SPEN: variants seen among roughly 807,000 people sequenced by gnomAD.
SPEN encodes the protein msx2-interacting protein.
Under a neutral mutation model 269.9 loss-of-function variants are expected in SPEN, and 18 were observed. The observed-to-expected ratio is 0.07, with a 90% CI of 0.05 to 0.10. The LOEUF (loss-of-function observed/expected upper bound fraction) is 0.10, where lower values mean the gene tolerates loss of function less well. Among genes scored for constraint, SPEN ranks in the 10% least tolerant of loss-of-function variants. The probability of loss-of-function intolerance (pLI) is 1.00; values close to 1 mark genes in which losing one functional copy is unlikely to be tolerated. For synonymous variants in SPEN, 1,726 were observed against 1,765.7 expected (o/e 0.98, Z 0.56); for missense variants, 3,822 against 4,631.2 (o/e 0.83, Z 5.07).
chr1:15,938,024 A>G lies in SPEN; in HGVS notation c.10704+18A>G. 1.9e-6 allele frequency: 3 copies of G among 1,581,336 alleles called. No individual in the cohort carries two copies. The highest frequency in any genetic ancestry group is 2.6e-6 in the Non-Finnish European group (3 of 1,164,572). ...GGATGACGGTAAGACTCTCAGGCCC[A>G]GGTGAGCAACTGCCCCACCTACAGG... On this transcript the variant is annotated intron_variant, in intron 13 of 14. Transcript: ENST00000375759.
intron 1 of SPEN, among the ~76,000 whole-genome samples, chr1:15,853,021 T>TA: frequency 6.6e-6 from 1 of 152,060 alleles, no homozygotes; most frequent in African/African-American, 2.4e-5. Context: ...CACACTCGAC[T>TA]AATTTTTTAT....
chr1:15,872,599 C>CAA lies in SPEN; in HGVS notation c.84-202_84-201dup, dbSNP rs78554897. On this transcript the variant is annotated intron_variant, in intron 1 of 14. Transcript: ENST00000375759. ...TGGGCAACAGAGCGAGACTCCATCTCAAAAAAAAAAAAAAAAGAAATGAGA... is the reference window on the plus strand; with the variant it reads ...TGGGCAACAGAGCGAGACTCCATCTCAAAAAAAAAAAAAAAAAAGAAATGAGA... Among the ~76,000 whole-genome samples, 18 of 92,542 alleles carry CAA rather than the reference C, an allele frequency of 1.9e-4. No homozygotes were observed. The East Asian group carries it at 2.1e-3, about 11-fold the overall frequency. The allele number at this position is 92,542 out of a possible 152,430, so 60.7% of individuals were successfully genotyped here. A position where few individuals can be genotyped will look rare whatever the true frequency, so the allele number is the denominator to read the frequency against.
rs1428730712 is a variant in SPEN at position 15,931,756 on chromosome 1, C to T, written c.5516C>T (p.Pro1839Leu). Reference protein sequence around the residue: ...QAAAVSIVEKPVTRKSERIDR... With the variant: ...QAAAVSIVEKLVTRKSERIDR... ...GCTGCAGTGAGTATCGTGGAGAAGC[C>T]CGTCACAAGGAAGAGTGAGAGGATA... is the stretch of plus-strand genomic sequence containing the variant. Residue 1839 changes from proline (P) to leucine (L), a missense_variant, in exon 11 of 15, where the codon CCC becomes CTC. Physicochemically the swap from Pro to Leu is moderately conservative, Grantham distance 98. Transcript: ENST00000375759. This position sits in a 1 kb window ranked among gnomAD's most constrained non-coding sequence, Gnocchi z 4.8. 2 of 1,613,856 alleles carry T rather than the reference C, an allele frequency of 1.2e-6. No individual in the cohort carries two copies. Among genetic ancestry groups the T allele is most frequent in the South Asian group, 1.1e-5 (1 of 91,084 alleles).
intron 1 of SPEN, among the ~76,000 whole-genome samples, chr1:15,860,767 A>G (rs1028508381): frequency 1.3e-5 from 2 of 150,598 alleles, no homozygotes; most frequent in Admixed American, 1.3e-4. Flanking sequence ...ATGCCTGGCT[A>G]ATTTTTTGTA....
chr1:15,918,520 G>GAT (rs2071087550), intron 6 of SPEN, among the ~76,000 whole-genome samples: 1 of 152,224 alleles, frequency 6.6e-6, no homozygotes, highest in Non-Finnish European at 1.5e-5. Flanking sequence ...TGCGCAGCCA[G>GAT]ATATCATATT....
intron 3 of SPEN, among the ~76,000 whole-genome samples, chr1:15,882,646 C>T (rs1448654021): frequency 2.6e-5 from 4 of 152,110 alleles, no homozygotes; most frequent in Non-Finnish European, 5.9e-5. Context: ...GGCAACAGAA[C>T]AAGACTCCAT....
chr1:15,901,868 A>G (rs974181674), intron 3 of SPEN, among the ~76,000 whole-genome samples: 2 of 146,982 alleles, frequency 1.4e-5, no homozygotes, highest in African/African-American at 2.5e-5. Context: ...TAAAATTTTT[A>G]TTTTAGTGAG....
intron 1 of SPEN, among the ~76,000 whole-genome samples, chr1:15,858,118 C>T (rs1378445099): frequency 1.3e-5 from 2 of 151,976 alleles, no homozygotes; most frequent in African/African-American, 4.8e-5. Context: ...CAGAGCAAGA[C>T]TCCGTCTCAA....
intron 3 of SPEN, among the ~76,000 whole-genome samples, chr1:15,890,807 A>G (rs1209182189): frequency 6.6e-6 from 1 of 152,194 alleles, no homozygotes; most frequent in African/African-American, 2.4e-5. Context: ...GCCCAAGGCA[A>G]CTGCTAATCT....
intron 1 of SPEN, among the ~76,000 whole-genome samples, chr1:15,859,903 A>ATTTTTTTTTTTT (rs1557734352): frequency 5.1e-5 from 3 of 59,310 alleles, no homozygotes; most frequent in Admixed American, 1.6e-4. Context: ...ATCAGTTAAC[A>ATTTTTTTTTTTT]TCTTTTTTTT....
chr1:15,896,361 A>C (rs1291676592), intron 3 of SPEN, among the ~76,000 whole-genome samples: 1 of 151,660 alleles, frequency 6.6e-6, no homozygotes, highest in Non-Finnish European at 1.5e-5. Flanking sequence ...ACTCTTGGCA[A>C]ATTTTTGTAT....
chr1:15,907,084 A>G (rs1025005073), intron 3 of SPEN, among the ~76,000 whole-genome samples: 1 of 152,092 alleles, frequency 6.6e-6, no homozygotes, highest in Non-Finnish European at 1.5e-5. Context: ...GTTTTCATCT[A>G]TTGCTTTAAC....
At chr1:15,901,522 G>A (rs1421708452) in intron 3 of SPEN, among the ~76,000 whole-genome samples, 1 of 151,098 alleles carries the variant, frequency 6.6e-6, no homozygotes, top group Non-Finnish European at 1.5e-5. Context: ...TCATACGTGT[G>A]GTCTGTGGTC....
At chr1:15,872,295 T>C (rs1217934645) in intron 1 of SPEN, among the ~76,000 whole-genome samples, 2 of 146,566 alleles carry the variant, frequency 1.4e-5, no homozygotes, top group Non-Finnish European at 3.0e-5. Context: ...TTTGTAAATA[T>C]TATATTTAAG....
rs1174233459 is a variant in SPEN, at chr1:15,876,492, G to T, written c.695G>T (p.Arg232Met). The change falls in exon 3 of 15, where the codon AGG (arginine) becomes ATG (methionine). Residue 232 changes from arginine (R) to methionine (M), a missense_variant. Around this residue, in one of 16 missense-constraint regions of SPEN, gnomAD observed 327 missense variants for 350.8 expected, o/e 0.93. Transcript: ENST00000375759. Reference sequence around the variant, plus strand: ...ATTACCCGGGAGGTACGAGGCAGAAGGCCAGAGCGGAATTACCAGCACAGC... The same window carrying T: ...ATTACCCGGGAGGTACGAGGCAGAATGCCAGAGCGGAATTACCAGCACAGC... ...DDITREVRGR[R>M]PERNYQHSRS... 1.2e-6 allele frequency: 2 copies of T among 1,614,166 alleles called. No homozygotes were observed. The highest frequency in any genetic ancestry group is 1.7e-6 in the Non-Finnish European group (2 of 1,180,040).
At chr1:15,852,803 A>G (rs1426977405) in intron 1 of SPEN, among the ~76,000 whole-genome samples, 1 of 152,138 alleles carries the variant, frequency 6.6e-6, no homozygotes, top group Non-Finnish European at 1.5e-5. Context: ...ATTTTACTGA[A>G]ATTTTTAAAA....
chr1:15,930,995 C>G lies in SPEN; in HGVS notation c.4755C>G (p.Ser1585Arg), dbSNP rs1035444248. The G allele has an allele frequency of 1.9e-6, 3 of 1,613,932 alleles. No individual in the cohort carries two copies. Among genetic ancestry groups the G allele is most frequent in the Non-Finnish European group, 2.5e-6 (3 of 1,180,030 alleles). Residue 1585 changes from serine (S) to arginine (R), a missense_variant, in exon 11 of 15, where the codon AGC (serine) becomes AGG (arginine). Ser to Arg is a moderately radical substitution (Grantham distance 110, BLOSUM62 -1). Around this residue, in one of 16 missense-constraint regions of SPEN, gnomAD observed 533 missense variants for 618.8 expected, o/e 0.86. Transcript: ENST00000375759. The surrounding 1 kb of genome is among the most constrained non-coding windows in gnomAD (Gnocchi z 5.3). ...SIQEPVVLFH[S>R]RFMELTRMQQ... ...AAGAACCAGTAGTTCTGTTCCATAG[C>G]AGATTTATGGAGCTCACACGGATGC... is the stretch of plus-strand genomic sequence containing the variant.
In SPEN at chr1:15,847,710, G is replaced by C. The variant is rs2070284476; in HGVS notation, c.-358G>C. ...CGGGAGTCGGGCCGCGCGCGCCAGT[G>C]GGAAGCGTCCGGCTGCCACAGCGCC... On this transcript the variant is annotated 5_prime_UTR_variant, in exon 1 of 15. Coordinates refer to ENST00000375759, the MANE Select transcript of SPEN (RefSeq NM_015001.3). Among the ~76,000 whole-genome samples the C allele has an allele frequency of 1.3e-5, 2 of 151,514 alleles. No individual in the cohort carries two copies. Among genetic ancestry groups the C allele is most frequent in the Non-Finnish European group, 2.9e-5 (2 of 67,822 alleles).
chr1:15,933,797 C>T lies in SPEN; in HGVS notation c.7557C>T (p.Pro2519=), dbSNP rs1352574533. 2 of 1,613,516 alleles carry T rather than the reference C, an allele frequency of 1.2e-6. No homozygotes were observed. Among genetic ancestry groups the T allele is most frequent in the Non-Finnish European group, 8.5e-7 (1 of 1,180,028 alleles). The change falls in exon 11 of 15, where the codon CCC becomes CCT. Residue 2519 remains proline (P), a synonymous_variant. Transcript: ENST00000375759. The surrounding 1 kb of genome is among the most constrained non-coding windows in gnomAD (Gnocchi z 5.7). ...RAQSTPSPAL[P]PDTKASDVDT... is the part of the protein sequence containing the mutation. ...AGTCTACTCCATCTCCAGCTCTTCC[C>T]CCAGACACAAAGGCCTCTGATGTTG...
Sources: allele counts gnomAD v4.1 joint callset (sites outside exome capture counted in the v4.1 genomes callset), GRCh38; gene constraint gnomAD v4.1.1; regional missense constraint gnomAD v4.1.1; non-coding constraint Gnocchi (gnomAD v3.1); transcripts MANE v1.5; gene names NCBI Gene and HGNC (gene_info 2026-07-23, HGNC 2026-07-21).